Variants in MTHFD2L observed in about 807,000 individuals in gnomAD.
The protein encoded by MTHFD2L is methylenetetrahydrofolate dehydrogenase (NADP+ dependent) 2 like, also known as bifunctional methylenetetrahydrofolate dehydrogenase/cyclohydrolase 2, mitochondrial.
Under a neutral mutation model 34.9 loss-of-function variants are expected in MTHFD2L, and 29 were observed. That is an observed-to-expected ratio of 0.83 (90% confidence interval 0.62 to 1.13). MTHFD2L has a LOEUF of 1.13. Among genes scored for constraint, MTHFD2L ranks in the 50% most tolerant of loss-of-function variants. MTHFD2L has a pLI of 0.00. For synonymous variants in MTHFD2L, 167 were observed against 155.7 expected, an observed-to-expected ratio of 1.07 and a Z score of -0.54; for missense variants, 481 against 446.5, an observed-to-expected ratio of 1.08 and a Z score of -0.70.
At chr4:74,143,332 G>A (rs985137839) in intron 1 of MTHFD2L, 1 of 823,274 alleles carries the variant, frequency 1.2e-6, no homozygotes, top group Non-Finnish European at 1.5e-6. Context: ...GCTGGTGACA[G>A]TGAAGGCAAA....
At chr4:74,188,794 A>G (rs1011866850) in intron 3 of MTHFD2L, among the ~76,000 whole-genome samples, 3 of 119,936 alleles carry the variant, frequency 2.5e-5, no homozygotes, top group Non-Finnish European at 4.7e-5. Flanking sequence ...ATATATGGGT[A>G]TATATATATG....
intron 7 of MTHFD2L, 36 bp downstream of exon 7, chr4:74,281,586 TA>T (rs779406788): frequency 1.3e-6 from 2 of 1,568,760 alleles, no homozygotes; most frequent in Non-Finnish European, 8.6e-7. Context: ...GTGAAGAAGA[TA>T]AAAAAATTCC....
At chr4:74,222,883 A>G (rs1222542931) in intron 5 of MTHFD2L, among the ~76,000 whole-genome samples, 3 of 152,070 alleles carry the variant, frequency 2.0e-5, no homozygotes, top group Non-Finnish European at 2.9e-5. Flanking sequence ...ATGAGATACC[A>G]TCATCTCACA....
chr4:74,122,339 T>A (rs760741587), upstream of MTHFD2L, among the ~76,000 whole-genome samples: 8 of 152,096 alleles, frequency 5.3e-5, no homozygotes, highest in Admixed American at 2.0e-4. Flanking sequence ...AACAAGCACA[T>A]CTTCACATGG....
At chr4:74,177,244 C>A (rs1268550441) in intron 3 of MTHFD2L, among the ~76,000 whole-genome samples, 1 of 151,928 alleles carries the variant, frequency 6.6e-6, no homozygotes, top group South Asian at 2.1e-4. Context: ...ATTAACATCA[C>A]AAATCTGTCC....
At chr4:74,184,168 C>T (rs866334029) in intron 3 of MTHFD2L, among the ~76,000 whole-genome samples, 15 of 152,058 alleles carry the variant, frequency 9.9e-5, no homozygotes, top group Admixed American at 3.3e-4. Context: ...GGAGAAAAGA[C>T]GACAAAGATG....
At chr4:74,170,332 A>T (rs1233846431) in intron 1 of MTHFD2L, among the ~76,000 whole-genome samples, 1 of 152,180 alleles carries the variant, frequency 6.6e-6, no homozygotes, top group Non-Finnish European at 1.5e-5. Context: ...TTGAAAATTG[A>T]TCAGTTACCA....
chr4:74,300,884 T>C (rs1440432730), intron 7 of MTHFD2L, among the ~76,000 whole-genome samples: 1 of 152,100 alleles, frequency 6.6e-6, no homozygotes, highest in Non-Finnish European at 1.5e-5. Context: ...TAGCCTATAT[T>C]TGGACAAATA....
chr4:74,183,166 A>G (rs1466105277), intron 3 of MTHFD2L: 2 of 152,176 alleles, frequency 1.3e-5, no homozygotes, highest in Non-Finnish European at 2.9e-5. Context: ...GTGACAGAAT[A>G]TTTATTGATA....
chr4:74,231,429 C>T (rs1345634342), intron 6 of MTHFD2L, among the ~76,000 whole-genome samples: 3 of 152,160 alleles, frequency 2.0e-5, no homozygotes, highest in Non-Finnish European at 2.9e-5. Context: ...GTACAACTTG[C>T]TCACTTACGG....
intron 6 of MTHFD2L, among the ~76,000 whole-genome samples, chr4:74,232,955 A>G (rs1380696575): frequency 6.6e-6 from 1 of 152,192 alleles, no homozygotes; most frequent in Non-Finnish European, 1.5e-5. Context: ...AATGCAGCAA[A>G]CAGCTGTAAA....
At chr4:74,218,243 A>G (rs1319968750) in intron 5 of MTHFD2L, among the ~76,000 whole-genome samples, 1 of 152,138 alleles carries the variant, frequency 6.6e-6, no homozygotes, top group Non-Finnish European at 1.5e-5. Flanking sequence ...AGTAAAACAG[A>G]AGAATCATGT....
chr4:74,280,015 C>T (rs1365009586), intron 6 of MTHFD2L, among the ~76,000 whole-genome samples: 1 of 152,062 alleles, frequency 6.6e-6, no homozygotes, highest in Non-Finnish European at 1.5e-5. Context: ...ATGGATAGTA[C>T]AGGTGCTAGA....
intron 1 of MTHFD2L, among the ~76,000 whole-genome samples, chr4:74,163,868 T>C (rs1483084829): frequency 1.3e-5 from 2 of 152,106 alleles, no homozygotes; most frequent in African/African-American, 4.8e-5. Flanking sequence ...TCGTCTTTTT[T>C]TGTTTGTTTG....
At chr4:74,127,050 C>G (rs1722130766) in intron 1 of MTHFD2L, among the ~76,000 whole-genome samples, 1 of 152,158 alleles carries the variant, frequency 6.6e-6, no homozygotes, top group South Asian at 2.1e-4. Flanking sequence ...CATTCTCTGT[C>G]CTGCCGCTCC....
At chr4:74,165,745 T>C (rs1726557472) in intron 1 of MTHFD2L, among the ~76,000 whole-genome samples, 1 of 152,248 alleles carries the variant, frequency 6.6e-6, no homozygotes, top group Non-Finnish European at 1.5e-5. Flanking sequence ...ATTTTAGTTT[T>C]AAAGGTACTG....
chr4:74,132,781 C>G (rs1722640683), intron 1 of MTHFD2L, among the ~76,000 whole-genome samples: 1 of 152,108 alleles, frequency 6.6e-6, no homozygotes, highest in Admixed American at 6.6e-5. Flanking sequence ...ACACCTCCCA[C>G]AAACACTTTG....
Position 74,267,055 on chromosome 4 carries a change from C to T in MTHFD2L, c.806-14370C>T, listed in dbSNP as rs1274817350. ...CCTCTACCTCTTTTCAACTAATATACCTCTCCTTGCTTTGATCCTTTTACA... is the reference window on the plus strand; with the variant it reads ...CCTCTACCTCTTTTCAACTAATATATCTCTCCTTGCTTTGATCCTTTTACA... On this transcript the variant is annotated intron_variant, in intron 6 of 7. Transcript: ENST00000325278. 4 of 985,096 alleles carry T rather than the reference C, an allele frequency of 4.1e-6. No homozygotes were observed. In the African/African-American group the frequency reaches 7.0e-5, roughly 17 times the overall value. The allele number at this position is 985,096 out of a possible 1,614,324, so 61.0% of individuals were successfully genotyped here. A position where few individuals can be genotyped will look rare whatever the true frequency, so the allele number is the denominator to read the frequency against.
chr4:74,200,932 T>C (rs1734308582), intron 4 of MTHFD2L, among the ~76,000 whole-genome samples: 1 of 152,200 alleles, frequency 6.6e-6, no homozygotes, highest in Non-Finnish European at 1.5e-5. Flanking sequence ...TTCGACATTG[T>C]TGTACTTTGC....
Sources: allele counts gnomAD v4.1 joint callset (sites outside exome capture counted in the v4.1 genomes callset), GRCh38; gene constraint gnomAD v4.1.1; transcripts MANE v1.5; gene names NCBI Gene and HGNC (gene_info 2026-07-23, HGNC 2026-07-21).